Variants in BNIP2 observed in about 807,000 individuals in gnomAD.
BNIP2 encodes BCL2 interacting protein 2, also known as BCL2/adenovirus E1B 19 kDa protein-interacting protein 2.
BNIP2 carries 36 observed loss-of-function variants against 43.4 expected under a neutral mutation model. That is an observed-to-expected ratio of 0.83 (90% CI 0.64 to 1.10). The LOEUF is 1.10. BNIP2 is among the 50% of genes least tolerant of loss of function. The probability of loss-of-function intolerance (pLI) is 0.00; values close to 1 mark genes in which losing one functional copy is unlikely to be tolerated. For synonymous variants in BNIP2, 146 were observed against 121.0 expected (o/e 1.21, Z -1.35); for missense variants, 417 against 374.1 (o/e 1.11, Z -0.95).
At position 59,659,878 on chromosome 15, in the gene BNIP2, C is replaced by T. The variant is rs1306835927; in HGVS notation, c.*4191G>A. On this transcript the variant is annotated 3_prime_UTR_variant, in exon 10 of 10. Transcript: ENST00000607373. ...GTCTATTATAAATAGTTGCAACATA[C>T]TGTTATATTCAAATTTTAGTGTCAC... The T allele has an allele frequency of 1.3e-5, 2 of 152,278 alleles. No individual in the cohort carries two copies. Among genetic ancestry groups the T allele is most frequent in the East Asian group, 1.9e-4 (1 of 5,192 alleles). The allele number at this position is 152,278 out of a possible 1,614,324, so 9.4% of individuals were successfully genotyped here. A position where few individuals can be genotyped will look rare whatever the true frequency, so the allele number is the denominator to read the frequency against.
At chr15:59,676,811 C>T (rs1893327311) in intron 5 of BNIP2, 22 of 1,531,018 alleles carry the variant, frequency 1.4e-5, no homozygotes, top group East Asian at 2.4e-5. Flanking sequence ...GGCCCTGCAG[C>T]GCCGCTACTA....
intron 7 of BNIP2, 73 bp from the exon 8 acceptor site, chr15:59,669,435 T>C: frequency 2.7e-6 from 3 of 1,100,382 alleles, no homozygotes; most frequent in Non-Finnish European, 3.8e-6. Flanking sequence ...GCTGCAAGTT[T>C]ATACAAAATA....
In BNIP2 at chr15:59,659,784, T is replaced by C. The variant is rs777316368; in HGVS notation, c.*4285A>G. ...TTAATTTGAAAGCACGAAATGATTT[T>C]CATTTGGTGCTTACGTGCTTTATGT... On this transcript the variant is annotated 3_prime_UTR_variant, in exon 10 of 10. Coordinates refer to ENST00000607373, the MANE Select transcript of BNIP2 (RefSeq NM_004330.4). 3.3e-5 allele frequency: 5 copies of C among 152,238 alleles called. No homozygotes were observed. The highest frequency in any genetic ancestry group is 1.2e-4 in the African/African-American group (5 of 41,464). The allele number at this position is 152,238 out of a possible 1,614,324, so 9.4% of individuals were successfully genotyped here. A position where few individuals can be genotyped will look rare whatever the true frequency, so the allele number is the denominator to read the frequency against.
chr15:59,672,594 G>C lies in BNIP2; in HGVS notation c.575+43C>G, dbSNP rs370180810. ...GTTTCTTAAGGTGTAGATCTAATTA[G>C]CTCACAATTCTGTCCAAATGTTTTT... On this transcript the variant is annotated intron_variant, in intron 6 of 9. Transcript: ENST00000607373. 32 of 1,382,384 alleles carry C rather than the reference G, an allele frequency of 2.3e-5. No homozygotes were observed. The South Asian group carries it at 3.8e-4, about 16-fold the overall frequency. The allele number at this position is 1,382,384 out of a possible 1,614,324, so 85.6% of individuals were successfully genotyped here. A position where few individuals can be genotyped will look rare whatever the true frequency, so the allele number is the denominator to read the frequency against.
At chr15:59,668,865 C>T (rs780411120) in intron 9 of BNIP2, 27 bp downstream of exon 9, 2 of 1,556,470 alleles carry the variant, frequency 1.3e-6, no homozygotes, top group African/African-American at 1.4e-5. Context: ...AGATCCAATA[C>T]AATTAAGGAA....
chr15:59,663,745 A>C lies in BNIP2; in HGVS notation c.*324T>G, dbSNP rs982022072. On this transcript the variant is annotated 3_prime_UTR_variant, in exon 10 of 10. Transcript: ENST00000607373. ...TATTTCTTTCCTTTGCCATTTATGC[A>C]TATAAATATTTCACCGAAGAAGATG... 2.5e-4 allele frequency: 49 copies of C among 193,500 alleles called. No individual in the cohort carries two copies. Among genetic ancestry groups the C allele is most frequent in the Non-Finnish European group, 8.4e-5 (8 of 95,778 alleles). 12.0% of individuals were successfully genotyped at this position (193,500 alleles called of 1,614,324 possible). A position where few individuals can be genotyped will look rare whatever the true frequency, so the allele number is the denominator to read the frequency against.
At chr15:59,687,688 C>T (rs1000015947) in intron 1 of BNIP2, among the ~76,000 whole-genome samples, 1 of 152,082 alleles carries the variant, frequency 6.6e-6, no homozygotes, top group African/African-American at 2.4e-5. Flanking sequence ...GATCTGGTTA[C>T]ATATACTTTC....
At chr15:59,664,243 C>A (rs1892432419) in intron 9 of BNIP2, 123 bp from the exon 10 acceptor site, 3 of 575,810 alleles carry the variant, frequency 5.2e-6, no homozygotes, top group South Asian at 4.0e-5. Flanking sequence ...AAGAAGCAGA[C>A]ATAGTAAAAA....
Position 59,668,979 on chromosome 15 carries a change from CTGAATTT to C in BNIP2, c.799_805del (p.Lys267AlafsTer13). The stretch of plus-strand genomic sequence containing the variant: ...ATTAAACACGTATCTAATTTTTTGG[CTGAATTT>C]CGAGCTATGGAAGAAAATAAAAATA... On this transcript the variant is annotated frameshift_variant, in exon 9 of 10. Transcript: ENST00000607373. LOFTEE classifies it high-confidence loss of function. 1 of 1,612,992 alleles carries C rather than the reference CTGAATTT, an allele frequency of 6.2e-7. No homozygotes were observed.
chr15:59,667,264 G>C (rs1157748807), intron 9 of BNIP2, among the ~76,000 whole-genome samples: 1 of 152,146 alleles, frequency 6.6e-6, no homozygotes, highest in Non-Finnish European at 1.5e-5. Context: ...GTTCCAGTTA[G>C]TTACAGTTGG....
At chr15:59,679,851 C>A in intron 3 of BNIP2, 83 bp from the exon 4 acceptor site, 1 of 1,177,094 alleles carries the variant, frequency 8.5e-7, no homozygotes, top group South Asian at 1.9e-5. Flanking sequence ...TTAACTACCC[C>A]ATTCTTGGGA....
chr15:59,661,690 A>G lies in BNIP2; in HGVS notation c.*2379T>C, dbSNP rs1448527946. ...CAGTTAAATTAGATCCATGATCCCA[A>G]CAGAAAGATAAAAGTACAATCACAT... is the stretch of plus-strand genomic sequence containing the variant. On this transcript the variant is annotated 3_prime_UTR_variant, in exon 10 of 10. Coordinates refer to ENST00000607373, the MANE Select transcript of BNIP2 (RefSeq NM_004330.4). The G allele has an allele frequency of 6.6e-6, 1 of 152,220 alleles. No homozygotes were observed. The highest frequency in any genetic ancestry group is 1.5e-5 in the Non-Finnish European group (1 of 68,024). 9.4% of individuals were successfully genotyped at this position (152,220 alleles called of 1,614,324 possible). A position where few individuals can be genotyped will look rare whatever the true frequency, so the allele number is the denominator to read the frequency against.
chr15:59,679,446 C>T (rs1212353670), intron 4 of BNIP2, 146 bp downstream of exon 4: 3 of 961,546 alleles, frequency 3.1e-6, no homozygotes, highest in East Asian at 2.9e-5. Flanking sequence ...TCTATACACA[C>T]TTTTTAAGTC....
intron 9 of BNIP2, among the ~76,000 whole-genome samples, chr15:59,664,708 A>G (rs1290291652): frequency 2.7e-4 from 41 of 152,248 alleles, no homozygotes; most frequent in Admixed American, 2.5e-3. Flanking sequence ...TTCAAATTAC[A>G]TGGCATATTA....
intron 5 of BNIP2, among the ~76,000 whole-genome samples, chr15:59,673,842 C>T (rs1893090027): frequency 6.6e-6 from 1 of 152,048 alleles, no homozygotes; most frequent in African/African-American, 2.4e-5. Context: ...AATTCCAGCA[C>T]TTCGGGAGGC....
chr15:59,667,420 T>C (rs1360038149), intron 9 of BNIP2, among the ~76,000 whole-genome samples: 4 of 152,238 alleles, frequency 2.6e-5, no homozygotes, highest in Non-Finnish European at 5.9e-5. Flanking sequence ...TAAATTATTA[T>C]ACAAAATTCT....
intron 1 of BNIP2, among the ~76,000 whole-genome samples, chr15:59,686,513 TTA>T (rs1230776494): frequency 6.6e-6 from 1 of 152,176 alleles, no homozygotes; most frequent in African/African-American, 2.4e-5. Flanking sequence ...CGGAAATCAA[TTA>T]CAGTAGGCAG....
chr15:59,683,555 G>C (rs534367931), intron 1 of BNIP2, among the ~76,000 whole-genome samples: 20 of 152,188 alleles, frequency 1.3e-4, no homozygotes, highest in Admixed American at 8.5e-4. Context: ...GGTGGCTCAC[G>C]CCTGTAATCC....
At chr15:59,678,613 G>A in intron 4 of BNIP2, 3 of 1,144,842 alleles carry the variant, frequency 2.6e-6, no homozygotes, top group Non-Finnish European at 3.3e-6. Context: ...AAGTATACAT[G>A]CAGAAGTCTA....
Sources: allele counts gnomAD v4.1 joint callset (sites outside exome capture counted in the v4.1 genomes callset), GRCh38; gene constraint gnomAD v4.1.1; transcripts MANE v1.5; gene names NCBI Gene and HGNC (gene_info 2026-07-23, HGNC 2026-07-21).